The following ABCB4 variants were observed in gnomAD, a reference collection of about 807,000 sequenced individuals.
ABCB4 encodes the protein phosphatidylcholine translocator ABCB4.
In ABCB4, 76 loss-of-function variants were observed where a neutral mutation model predicts 145.7. The observed-to-expected ratio is 0.52, with a 90% CI of 0.43 to 0.63. ABCB4 has a LOEUF of 0.63. Ranked by LOEUF, ABCB4 falls within the 30% of genes least tolerant of loss-of-function variation. ABCB4 has a pLI of 0.00. For missense variants in ABCB4, 1,234 were observed against 1,553.1 expected (o/e 0.79, Z 3.45); for synonymous variants, 517 against 566.8 (o/e 0.91, Z 1.25).
intron 3 of ABCB4, among the ~76,000 whole-genome samples, chr7:87,470,817 T>G (rs1813333795): frequency 6.6e-6 from 1 of 152,178 alleles, no homozygotes. Flanking sequence ...TGGTGATTCC[T>G]CAAGGATCTA....
At chr7:87,381,530 A>C in the ABCB4 span, among the ~76,000 whole-genome samples, 1 of 152,150 alleles carries the variant, frequency 6.6e-6, no homozygotes. Context: ...TGCCATCCCC[A>C]TCTGCTTTTC....
At chr7:87,405,123 C>T (rs1808087242) in intron 26 of ABCB4, among the ~76,000 whole-genome samples, 2 of 152,204 alleles carry the variant, frequency 1.3e-5, no homozygotes, top group South Asian at 4.1e-4. Context: ...ACCCAGCTAT[C>T]CTTCAACAGG....
intron 3 of ABCB4, among the ~76,000 whole-genome samples, chr7:87,463,225 T>C (rs944356821): frequency 6.7e-6 from 1 of 148,486 alleles, no homozygotes; most frequent in Non-Finnish European, 1.5e-5. Context: ...AAAGAACGGC[T>C]AGGGAAAGAC....
chr7:87,452,194 C>G (rs1811780422), intron 6 of ABCB4, among the ~76,000 whole-genome samples: 2 of 152,114 alleles, frequency 1.3e-5, no homozygotes, highest in Non-Finnish European at 2.9e-5. Flanking sequence ...TGCTTCTACT[C>G]TTGTCCCTAT....
the ABCB4 span, chr7:87,393,165 C>T: frequency 1.6e-5 from 20 of 1,278,358 alleles, no homozygotes; most frequent in Non-Finnish European, 3.3e-6. Context: ...CTTATATTGC[C>T]ATCTGTCACT....
intron 5 of ABCB4, among the ~76,000 whole-genome samples, 184 bp from the exon 6 acceptor site, chr7:87,453,319 G>C (rs1811884843): frequency 6.6e-6 from 1 of 152,130 alleles, no homozygotes; most frequent in Non-Finnish European, 1.5e-5. Context: ...GAGTAGCTGG[G>C]ATTACAGGCA....
chr7:87,421,764 C>A (rs1443323316), intron 18 of ABCB4, among the ~76,000 whole-genome samples: 3 of 152,162 alleles, frequency 2.0e-5, no homozygotes, highest in Non-Finnish European at 4.4e-5. Flanking sequence ...AGGAAAAGAT[C>A]AGAGAAGTTA....
At chr7:87,458,442 T>A (rs1395104073) in intron 4 of ABCB4, among the ~76,000 whole-genome samples, 2 of 152,198 alleles carry the variant, frequency 1.3e-5, no homozygotes, top group African/African-American at 4.8e-5. Flanking sequence ...AACATGCCTT[T>A]CTCATTTGGC....
In ABCB4 at chr7:87,418,276, A is replaced by T. The variant is rs142016321; in HGVS notation, c.2478+261T>A. On this transcript the variant is annotated intron_variant, in intron 20 of 27. Coordinates refer to ENST00000649586, the MANE Select transcript of ABCB4 (RefSeq NM_000443.4). ...GAAGCCTGTAGTTCTAATTACTATT[A>T]GCAGCCATCCTGTGACTGCAGGGAA... is the stretch of plus-strand genomic sequence containing the variant. Among the ~76,000 whole-genome samples the T allele has an allele frequency of 3.4e-3, 515 of 152,378 alleles. 6 individuals carry two copies. Among genetic ancestry groups the T allele is most frequent in the African/African-American group, 0.012 (482 of 41,604 alleles).
chr7:87,461,741 T>C (rs1468288651), intron 4 of ABCB4, among the ~76,000 whole-genome samples: 2 of 152,246 alleles, frequency 1.3e-5, no homozygotes, highest in Non-Finnish European at 2.9e-5. Context: ...AAGGCATTAA[T>C]ATTTATCAAT....
At chr7:87,370,339 T>C in the ABCB4 span, among the ~76,000 whole-genome samples, 1 of 152,078 alleles carries the variant, frequency 6.6e-6, no homozygotes, top group Non-Finnish European at 1.5e-5. Context: ...CGCACCACCA[T>C]GGCCAGCTAA....
intron 18 of ABCB4, among the ~76,000 whole-genome samples, chr7:87,420,862 C>T (rs1809364117): frequency 6.6e-6 from 1 of 152,154 alleles, no homozygotes; most frequent in African/African-American, 2.4e-5. Flanking sequence ...GACAAAGATA[C>T]TGTGTTTAAC....
intron 15 of ABCB4, 127 bp from the exon 16 acceptor site, chr7:87,427,047 T>C (rs1476308140): frequency 1.2e-6 from 1 of 821,922 alleles, no homozygotes; most frequent in African/African-American, 1.7e-5. Flanking sequence ...TGTATCAAGA[T>C]TTTCAGATTT....
At chr7:87,381,851 T>C in the ABCB4 span, 8 of 1,174,938 alleles carry the variant, frequency 6.8e-6, no homozygotes, top group African/African-American at 4.6e-5. Context: ...AAATAAAATA[T>C]TGGGTCAAGT....
Position 87,439,996 on chromosome 7 carries a change from G to A in ABCB4, c.1561-159C>T, listed in dbSNP as rs560960775. Among the ~76,000 whole-genome samples the A allele has an allele frequency of 3.3e-5, 5 of 152,250 alleles. No individual in the cohort carries two copies. The South Asian group carries it at 1.0e-3, about 32-fold the overall frequency. Reference sequence around the variant, plus strand: ...AATGAATTCTGAATTATAAAAAACTGACACATGCTGTATAAAATTTTATAT... The same window carrying A: ...AATGAATTCTGAATTATAAAAAACTAACACATGCTGTATAAAATTTTATAT... On this transcript the variant is annotated intron_variant, in intron 13 of 27. Coordinates refer to ENST00000649586, the MANE Select transcript of ABCB4 (RefSeq NM_000443.4).
At chr7:87,418,701 A>G (rs1325028566) in intron 19 of ABCB4, 81 bp from the exon 20 acceptor site, 7 of 1,368,678 alleles carry the variant, frequency 5.1e-6, no homozygotes, top group East Asian at 2.4e-5. Context: ...CAAAGCTCCA[A>G]TGCTGAGGAA....
At chr7:87,407,957 C>T in intron 25 of ABCB4, 80 bp downstream of exon 25, 1 of 1,572,492 alleles carries the variant, frequency 6.4e-7, no homozygotes, top group South Asian at 1.1e-5. Context: ...CTACATTTGT[C>T]CAATATTTTC....
chr7:87,465,801 G>A (rs1345330319), intron 3 of ABCB4, among the ~76,000 whole-genome samples: 1 of 152,150 alleles, frequency 6.6e-6, no homozygotes, highest in African/African-American at 2.4e-5. Context: ...GTCTGGAGTG[G>A]ACCTCCAGCA....
intron 15 of ABCB4, among the ~76,000 whole-genome samples, chr7:87,431,162 A>C (rs1286657555): frequency 1.3e-5 from 2 of 152,152 alleles, no homozygotes; most frequent in African/African-American, 4.8e-5. Flanking sequence ...GTTTGACCAC[A>C]TTCCCCAGGC....
Sources: allele counts gnomAD v4.1 joint callset (sites outside exome capture counted in the v4.1 genomes callset), GRCh38; gene constraint gnomAD v4.1.1; transcripts MANE v1.5; gene names NCBI Gene and HGNC (gene_info 2026-07-23, HGNC 2026-07-21).